Variants in TSEN2 observed in about 807,000 individuals in gnomAD.
TSEN2 encodes tRNA-splicing endonuclease subunit Sen2.
A neutral mutation model predicts 59.2 loss-of-function variants in TSEN2; 54 were observed. The ratio of observed to expected loss-of-function variants is 0.91; its 90% CI spans 0.73 to 1.14. TSEN2 has a LOEUF of 1.14. TSEN2 is among the 50% of genes most tolerant of loss of function. The pLI, the probability that TSEN2 is intolerant of heterozygous loss-of-function variation, is 0.00. For missense variants in TSEN2, 636 were observed against 576.2 expected (o/e 1.10, Z -1.06); for synonymous variants, 195 against 198.2 (o/e 0.98, Z 0.14).
Position 12,503,798 on chromosome 3 carries a change from A to G in TSEN2, c.831+14A>G. 6.2e-7 allele frequency: 1 copy of G among 1,612,364 alleles called. No individual in the cohort carries two copies. The highest frequency in any genetic ancestry group is 8.5e-7 in the Non-Finnish European group (1 of 1,179,510). On this transcript the variant is annotated intron_variant, in intron 5 of 11. Transcript: ENST00000284995. The stretch of plus-strand genomic sequence containing the variant: ...CCAAATGAGGAAGTAAGTAGAAGAA[A>G]ATAAATCGCTTCCTCCAAAGCCATC...
intron 11 of TSEN2, 43 bp downstream of exon 11, chr3:12,531,702 T>G: frequency 1.6e-6 from 2 of 1,274,734 alleles, no homozygotes; most frequent in Non-Finnish European, 1.1e-6. Flanking sequence ...AAAGATTCTG[T>G]GAATCATAGT....
chr3:12,497,547 C>T (rs1394212568), intron 4 of TSEN2, among the ~76,000 whole-genome samples: 1 of 152,112 alleles, frequency 6.6e-6, no homozygotes, highest in African/African-American at 2.4e-5. Flanking sequence ...CCTGTCAGAG[C>T]CCTCAGCCTT....
chr3:12,525,720 T>G (rs1176371038), intron 8 of TSEN2, among the ~76,000 whole-genome samples: 1 of 151,566 alleles, frequency 6.6e-6, no homozygotes, highest in Admixed American at 6.6e-5. Context: ...CCACAGCTAA[T>G]TTTTTTTTAT....
chr3:12,514,675 T>G lies in TSEN2; in HGVS notation c.910-1936T>G, dbSNP rs375324619. Reference sequence around the variant, plus strand: ...TATAAATTAAAACAAAAATGTTGAGTATCAGTTTAACACATTTAAAAATAA... The same window carrying G: ...TATAAATTAAAACAAAAATGTTGAGGATCAGTTTAACACATTTAAAAATAA... On this transcript the variant is annotated intron_variant, in intron 6 of 11. Transcript: ENST00000284995. 2.6e-5 allele frequency: 4 copies of G among 152,232 alleles called. No individual in the cohort carries two copies. In the East Asian group the frequency reaches 7.7e-4, roughly 29 times the overall value. 9.4% of individuals were successfully genotyped at this position (152,232 alleles called of 1,614,324 possible). A position where few individuals can be genotyped will look rare whatever the true frequency, so the allele number is the denominator to read the frequency against.
At chr3:12,510,982 CTT>C (rs1009092040) in intron 6 of TSEN2, 111 of 152,322 alleles carry the variant, frequency 7.3e-4, no homozygotes, top group African/African-American at 2.5e-3. Context: ...ACACAGGAAA[CTT>C]CAGGTGAACT....
chr3:12,529,651 C>A, intron 9 of TSEN2, 111 bp from the exon 10 acceptor site: 1 of 937,644 alleles, frequency 1.1e-6, no homozygotes, highest in Non-Finnish European at 1.6e-6. Flanking sequence ...AATTTAGAAT[C>A]AGATGATGCA....
chr3:12,489,031 A>G lies in TSEN2; in HGVS notation c.-17-753A>G, dbSNP rs1175044644. ...AGGTACTGTTCTAAGCACTTTATGG[A>G]TCTTAACTGTAAGATAGAGTCGTTC... is the stretch of plus-strand genomic sequence containing the variant. On this transcript the variant is annotated intron_variant, in intron 1 of 11. Transcript: ENST00000284995. Among the ~76,000 whole-genome samples, 3 of 152,192 alleles carry G rather than the reference A, an allele frequency of 2.0e-5. No homozygotes were observed. In the East Asian group the frequency reaches 5.8e-4, roughly 29 times the overall value.
At chr3:12,489,097 G>C (rs1318802918) in intron 1 of TSEN2, among the ~76,000 whole-genome samples, 1 of 151,780 alleles carries the variant, frequency 6.6e-6, no homozygotes, top group Non-Finnish European at 1.5e-5. Context: ...ATCACAGAGA[G>C]AGTCAGTGAC....
At chr3:12,488,908 C>G (rs959250924) in intron 1 of TSEN2, among the ~76,000 whole-genome samples, 1 of 152,212 alleles carries the variant, frequency 6.6e-6, no homozygotes, top group African/African-American at 2.4e-5. Context: ...ACAAATCTCT[C>G]TAACCTGAAT....
chr3:12,485,985 T>C (rs925990047), intron 1 of TSEN2, among the ~76,000 whole-genome samples: 3 of 152,172 alleles, frequency 2.0e-5, no homozygotes, highest in Non-Finnish European at 4.4e-5. Flanking sequence ...GTATTTACAT[T>C]GTATTAGGTA....
At chr3:12,498,234 G>A (rs1357453191) in intron 4 of TSEN2, among the ~76,000 whole-genome samples, 1 of 152,010 alleles carries the variant, frequency 6.6e-6, no homozygotes, top group Non-Finnish European at 1.5e-5. Context: ...AGTCATATTC[G>A]CAGGTACTGG....
At chr3:12,534,609 T>C (rs970460630), downstream of TSEN2, among the ~76,000 whole-genome samples, 1 of 152,016 alleles carries the variant, frequency 6.6e-6, no homozygotes, top group African/African-American at 2.4e-5. Context: ...AAGACCATCC[T>C]GGCTAACACG....
rs759897695 is a variant in TSEN2 at position 12,503,277 on chromosome 3, T to G, written c.324T>G (p.Val108=). Reference sequence around the variant, plus strand: ...TGTCTTGCAGGTATCAGCATAGTGTTGAGTGGGCAGCAGAGCTGATGCGTA... The same window carrying G: ...TGTCTTGCAGGTATCAGCATAGTGTGGAGTGGGCAGCAGAGCTGATGCGTA... ...IITSKRYQHS[V]EWAAELMRRQ... The change falls in exon 5 of 12, where the codon GTT becomes GTG. Residue 108 remains valine (V), a synonymous_variant. Coordinates refer to ENST00000284995, the MANE Select transcript of TSEN2 (RefSeq NM_025265.4). The G allele has an allele frequency of 8.4e-5, 135 of 1,614,022 alleles. No individual in the cohort carries two copies. Among genetic ancestry groups the G allele is most frequent in the Non-Finnish European group, 1.1e-4 (125 of 1,180,042 alleles).
chr3:12,497,938 C>T (rs2053918023), intron 4 of TSEN2, among the ~76,000 whole-genome samples: 1 of 152,168 alleles, frequency 6.6e-6, no homozygotes, highest in Admixed American at 6.5e-5. Flanking sequence ...CCTTCCTTGC[C>T]TGCCTTCACT....
chr3:12,530,793 T>C (rs1044433679), intron 10 of TSEN2: 5 of 977,986 alleles, frequency 5.1e-6, no homozygotes, highest in Non-Finnish European at 6.1e-6. Flanking sequence ...GTTGATATGT[T>C]CTTGGAAACT....
intron 1 of TSEN2, among the ~76,000 whole-genome samples, chr3:12,488,657 A>G (rs991915607): frequency 1.3e-5 from 2 of 152,166 alleles, no homozygotes; most frequent in Admixed American, 6.5e-5. Flanking sequence ...CTTGGATCCA[A>G]TGTATGGCCC....
chr3:12,526,227 A>G (rs1193444138), intron 8 of TSEN2, among the ~76,000 whole-genome samples: 2 of 152,156 alleles, frequency 1.3e-5, no homozygotes, highest in Non-Finnish European at 2.9e-5. Flanking sequence ...GTGTTTATAA[A>G]GAGTACAGTA....
At chr3:12,495,618 G>A (rs1227615810) in intron 3 of TSEN2, among the ~76,000 whole-genome samples, 1 of 152,222 alleles carries the variant, frequency 6.6e-6, no homozygotes, top group Non-Finnish European at 1.5e-5. Flanking sequence ...ATGCTGCTTA[G>A]TAAACCATCC....
At chr3:12,483,069 C>T (rs2052246586), upstream of TSEN2, among the ~76,000 whole-genome samples, 3 of 152,162 alleles carry the variant, frequency 2.0e-5, no homozygotes, top group South Asian at 4.1e-4. Flanking sequence ...AAGAGCAAGC[C>T]CACAGTGCAG....
Sources: gnomAD v4.1 joint callset for allele counts (sites outside exome capture counted in the v4.1 genomes callset) on GRCh38, gnomAD v4.1.1 for gene constraint, MANE v1.5 for transcripts, NCBI Gene and HGNC (gene_info 2026-07-23, HGNC 2026-07-21) for gene names.